Variants in MAGI2 observed in about 807,000 individuals in gnomAD.
MAGI2 encodes membrane-associated guanylate kinase, WW and PDZ domain-containing protein 2.
Under a neutral mutation model 133.3 loss-of-function variants are expected in MAGI2, and 35 were observed. The ratio of observed to expected loss-of-function variants is 0.26; its 90% confidence interval spans 0.20 to 0.35. The LOEUF is 0.35. MAGI2 is among the 10% of genes least tolerant of loss of function. MAGI2 has a pLI of 1.00. For synonymous variants in MAGI2, 729 were observed against 710.6 expected (o/e 1.03, Z -0.41); for missense variants, 1,636 against 1,863.4 (o/e 0.88, Z 2.25).
intron 2 of MAGI2, among the ~76,000 whole-genome samples, chr7:78,929,402 A>C (rs768218256): frequency 1.3e-5 from 2 of 152,126 alleles, no homozygotes; most frequent in Admixed American, 6.6e-5. Context: ...AAATTACTAA[A>C]AAAGTGATAG....
intron 1 of MAGI2, among the ~76,000 whole-genome samples, chr7:79,123,423 T>C (rs999842692): frequency 2.0e-5 from 3 of 152,202 alleles, no homozygotes; most frequent in African/African-American, 7.2e-5. Flanking sequence ...TTTACTTCTC[T>C]ATGCCTCAGT....
chr7:78,238,344 T>C (rs913515803), intron 10 of MAGI2, among the ~76,000 whole-genome samples: 1 of 152,092 alleles, frequency 6.6e-6, no homozygotes, highest in South Asian at 2.1e-4. Context: ...CCTGTGACCA[T>C]ATGCATCTAT....
intron 6 of MAGI2, among the ~76,000 whole-genome samples, chr7:78,433,166 A>G (rs948789121): frequency 3.3e-5 from 5 of 152,178 alleles, no homozygotes; most frequent in Middle Eastern, 3.4e-3. Flanking sequence ...TTCCCTTACC[A>G]TTAAAATTAC....
chr7:78,488,974 T>A (rs1377662141), intron 6 of MAGI2, among the ~76,000 whole-genome samples: 1 of 152,084 alleles, frequency 6.6e-6, no homozygotes, highest in African/African-American at 2.4e-5. Context: ...AGAGCTCTAA[T>A]AATTTAATCA....
chr7:79,122,977 T>C (rs536175972), intron 1 of MAGI2, among the ~76,000 whole-genome samples: 53 of 152,212 alleles, frequency 3.5e-4, no homozygotes, highest in Admixed American at 1.5e-3. Context: ...AAAAAAGAGA[T>C]AGGAGAGAGA....
intron 9 of MAGI2, among the ~76,000 whole-genome samples, chr7:78,322,109 C>A (rs1788066025): frequency 6.6e-6 from 1 of 152,158 alleles, no homozygotes; most frequent in Admixed American, 6.5e-5. Flanking sequence ...AGTCAGGAAA[C>A]AACAGATGCT....
At chr7:78,077,760 G>A (rs915457669) in intron 21 of MAGI2, among the ~76,000 whole-genome samples, 9 of 116,230 alleles carry the variant, frequency 7.7e-5, no homozygotes, top group Admixed American at 4.2e-4. Context: ...ACAGAGTTTC[G>A]CTCTTGTTGC....
At chr7:78,312,064 TG>T (rs1239120846) in intron 9 of MAGI2, among the ~76,000 whole-genome samples, 2 of 152,096 alleles carry the variant, frequency 1.3e-5, no homozygotes, top group Non-Finnish European at 2.9e-5. Context: ...CCACTGCACC[TG>T]GTGACAAATT....
At chr7:78,976,557 CT>C (rs1441682008) in intron 2 of MAGI2, among the ~76,000 whole-genome samples, 1 of 151,152 alleles carries the variant, frequency 6.6e-6, no homozygotes, top group Non-Finnish European at 1.5e-5. Flanking sequence ...AAAATATGTC[CT>C]TTTTTCACCA....
chr7:79,405,921 C>CAAAAAA (rs34025242), intron 1 of MAGI2, among the ~76,000 whole-genome samples: 6 of 107,278 alleles, frequency 5.6e-5, no homozygotes, highest in Non-Finnish European at 1.0e-4. Flanking sequence ...AACCACAACA[C>CAAAAAA]AAAAAAAAAA....
intron 1 of MAGI2, among the ~76,000 whole-genome samples, chr7:79,097,957 A>G (rs1213216529): frequency 2.0e-5 from 3 of 152,132 alleles, no homozygotes; most frequent in Non-Finnish European, 4.4e-5. Context: ...CCCCATCTCT[A>G]CCAAAAATAC....
intron 1 of MAGI2, among the ~76,000 whole-genome samples, chr7:79,395,957 C>T (rs1845017481): frequency 6.6e-6 from 1 of 152,056 alleles, no homozygotes; most frequent in Admixed American, 6.6e-5. Context: ...AGAACATGTA[C>T]ATTGAGGTAT....
At chr7:78,632,315 T>C (rs775154513) in intron 2 of MAGI2, among the ~76,000 whole-genome samples, 4 of 152,248 alleles carry the variant, frequency 2.6e-5, no homozygotes, top group Non-Finnish European at 5.9e-5. Context: ...TGTTAGAACC[T>C]ATGCACAAGT....
At chr7:78,444,194 T>G (rs1360686267) in intron 6 of MAGI2, among the ~76,000 whole-genome samples, 2 of 152,060 alleles carry the variant, frequency 1.3e-5, no homozygotes, top group African/African-American at 4.8e-5. Flanking sequence ...GTTTACAAAT[T>G]TAGTAATCAT....
intron 1 of MAGI2, among the ~76,000 whole-genome samples, chr7:79,114,894 A>G (rs1226539522): frequency 3.3e-5 from 5 of 152,142 alleles, no homozygotes; most frequent in Middle Eastern, 3.4e-3. Context: ...GTTTGTTGAC[A>G]GTAGCTACTT....
intron 1 of MAGI2, among the ~76,000 whole-genome samples, chr7:79,282,905 T>TATAACA (rs1835758903): frequency 6.6e-6 from 1 of 151,346 alleles, no homozygotes; most frequent in Non-Finnish European, 1.5e-5. Flanking sequence ...TTTTGATATA[T>TATAACA]AACACTTTAC....
At chr7:78,332,763 C>T (rs1190597396) in intron 9 of MAGI2, among the ~76,000 whole-genome samples, 2 of 150,896 alleles carry the variant, frequency 1.3e-5, no homozygotes, top group Non-Finnish European at 2.9e-5. Context: ...CTCACCCTCA[C>T]TGTGAGAGGT....
chr7:78,499,874 T>A (rs1794464089), intron 5 of MAGI2, among the ~76,000 whole-genome samples: 1 of 152,216 alleles, frequency 6.6e-6, no homozygotes, highest in Non-Finnish European at 1.5e-5. Context: ...TGGTCCGCAA[T>A]GATGTCATGC....
chr7:78,808,545 T>C (rs1788778843), intron 2 of MAGI2, among the ~76,000 whole-genome samples: 2 of 152,274 alleles, frequency 1.3e-5, no homozygotes, highest in South Asian at 2.1e-4. Context: ...CGTGAGCCAC[T>C]GCGCCCAGCC....
Sources: gnomAD v4.1 joint callset for allele counts (sites outside exome capture counted in the v4.1 genomes callset) on GRCh38, gnomAD v4.1.1 for gene constraint, MANE v1.5 for transcripts, NCBI Gene and HGNC (gene_info 2026-07-23, HGNC 2026-07-21) for gene names.